Variants in PFKFB3 observed in about 807,000 individuals in gnomAD.
PFKFB3 encodes the protein 6-phosphofructo-2-kinase/fructose-2,6-biphosphatase 3, also known as 6-phosphofructo-2-kinase/fructose-2,6-bisphosphatase 3.
In PFKFB3, 33 loss-of-function variants were observed where a neutral mutation model predicts 68.0. The observed-to-expected ratio is 0.49, with a 90% CI of 0.37 to 0.65. The LOEUF (loss-of-function observed/expected upper bound fraction) is 0.65, where lower values mean the gene tolerates loss of function less well. Among genes scored for constraint, PFKFB3 ranks in the 30% least tolerant of loss-of-function variants. PFKFB3 has a pLI of 0.00. For missense variants in PFKFB3, 586 were observed against 712.2 expected, an observed-to-expected ratio of 0.82 and a Z score of 2.02; for synonymous variants, 315 against 288.2, an observed-to-expected ratio of 1.09 and a Z score of -0.94.
intron 1 of PFKFB3, among the ~76,000 whole-genome samples, chr10:6,174,634 G>C (rs928435233): frequency 1.3e-5 from 2 of 152,198 alleles, no homozygotes; most frequent in African/African-American, 4.8e-5. Context: ...GACTGGCGCA[G>C]GGTGAGAGCC....
rs1369692650 is a variant in PFKFB3, at chr10:6,205,976, T to A, written c.76+2640T>A. ...CCACACCCGGCTAATTAAAAAAAAT[T>A]TTTTTTTTTTTTTAATTGATCATTC... On this transcript the variant is annotated intron_variant, in intron 1 of 14. Transcript: ENST00000379775. Among the ~76,000 whole-genome samples, 311 of 82,978 alleles carry A rather than the reference T, an allele frequency of 3.7e-3. 1 individual carries two copies. Among genetic ancestry groups the A allele is most frequent in the African/African-American group, 7.8e-3 (185 of 23,740 alleles). 54.4% of individuals were successfully genotyped at this position (82,978 alleles called of 152,430 possible). A position where few individuals can be genotyped will look rare whatever the true frequency, so the allele number is the denominator to read the frequency against.
intron 1 of PFKFB3, 105 bp from the exon 2 acceptor site, chr10:6,213,502 GTGAGACCCTGTCTCAA>G: frequency 1.7e-6 from 2 of 1,182,764 alleles, no homozygotes; most frequent in Non-Finnish European, 2.4e-6. Context: ...GGGCAACAGA[GTGAGACCCTGTCTCAA>G]AAACATTTTT....
the PFKFB3 span, among the ~76,000 whole-genome samples, chr10:6,291,945 G>GTT: frequency 5.3e-3 from 501 of 94,384 alleles, 26 homozygotes; most frequent in East Asian, 0.013. Flanking sequence ...GAAACCAGTG[G>GTT]TTTTTTTTTT....
At chr10:6,213,167 C>T (rs1194246616) in intron 1 of PFKFB3, among the ~76,000 whole-genome samples, 1 of 152,110 alleles carries the variant, frequency 6.6e-6, no homozygotes, top group Non-Finnish European at 1.5e-5. Context: ...GGCTGGGGGG[C>T]TGTGGCCACT....
chr10:6,322,293 G>A, the PFKFB3 span, among the ~76,000 whole-genome samples: 45 of 151,970 alleles, frequency 3.0e-4, no homozygotes, highest in East Asian at 5.4e-3. Context: ...TTCGGCATTC[G>A]GCGACCTCCA....
the PFKFB3 span, among the ~76,000 whole-genome samples, chr10:6,322,199 C>T: frequency 3.9e-5 from 6 of 152,182 alleles, no homozygotes; most frequent in African/African-American, 7.2e-5. Context: ...TTCTGTAGCT[C>T]GACCTTGTCA....
Position 6,215,303 on chromosome 10 carries a change from C to G in PFKFB3, c.285C>G (p.Ala95=), listed in dbSNP as rs1272062364. 2.5e-6 allele frequency: 4 copies of G among 1,613,702 alleles called. No homozygotes were observed. The highest frequency in any genetic ancestry group is 3.4e-6 in the Non-Finnish European group (4 of 1,179,788). Reference sequence around the variant, plus strand: ...TCTTCCGCCCCGACAATGAGGAAGCCATGAAAGTCCGGAAGTAAGGCTGGG... The same window carrying G: ...TCTTCCGCCCCGACAATGAGGAAGCGATGAAAGTCCGGAAGTAAGGCTGGG... ...YNFFRPDNEE[A]MKVRKQCALA... is the part of the protein sequence containing the mutation. Residue 95 remains alanine (A), a synonymous_variant, in exon 3 of 15, where the codon GCC becomes GCG. Transcript: ENST00000379775. The surrounding 1 kb of genome is among the most constrained non-coding windows in gnomAD (Gnocchi z 4.3).
chr10:6,164,251 C>T (rs1231477492), intron 1 of PFKFB3, among the ~76,000 whole-genome samples: 2 of 151,774 alleles, frequency 1.3e-5, no homozygotes, highest in Admixed American at 6.6e-5. Flanking sequence ...GGGGACCGCT[C>T]CTAGCCCCCA....
chr10:6,275,191 C>T, the PFKFB3 span, among the ~76,000 whole-genome samples: 5 of 152,192 alleles, frequency 3.3e-5, no homozygotes, highest in East Asian at 1.9e-4. The surrounding 1 kb of genome is among the most constrained non-coding windows in gnomAD (Gnocchi z 4.9). Context: ...CAGGTGGTCA[C>T]GGCCCCGCCC....
At chr10:6,161,555 TACACACATATGTATATATATAC>T (rs1275280322) in intron 1 of PFKFB3, among the ~76,000 whole-genome samples, 169 of 151,916 alleles carry the variant, frequency 1.1e-3, no homozygotes, top group Non-Finnish European at 2.0e-3. Context: ...TGTATATATA[TACACACATATGTATATATATAC>T]ACACACACAT....
chr10:6,159,126 G>A (rs2131705396), intron 1 of PFKFB3, among the ~76,000 whole-genome samples: 1 of 152,224 alleles, frequency 6.6e-6, no homozygotes, highest in Middle Eastern at 3.4e-3. Flanking sequence ...CAGGCGCTGT[G>A]GCTCTCACTT....
rs77877233 is a variant in PFKFB3, at chr10:6,154,220, G to T, written c.16+9207G>T. On this transcript the variant is annotated intron_variant, in intron 1 of 14. Transcript: ENST00000379789. The surrounding 1 kb of genome is among the most constrained non-coding windows in gnomAD (Gnocchi z 4.6). ...AGCTGGAGACAGGAAGGCCTGGGAGGGTTTTGGTGGAGGTGTGGGCTGAAT... is the reference window on the plus strand; with the variant it reads ...AGCTGGAGACAGGAAGGCCTGGGAGTGTTTTGGTGGAGGTGTGGGCTGAAT... 0.033 allele frequency among the ~76,000 whole-genome samples: 5,057 copies of T among 151,904 alleles called. 158 individuals are homozygous for T. The highest frequency in any genetic ancestry group is 0.1 in the Admixed American group (1,533 of 15,256).
the PFKFB3 span, among the ~76,000 whole-genome samples, chr10:6,288,523 G>T: frequency 6.6e-6 from 1 of 151,894 alleles, no homozygotes. Flanking sequence ...TCCCTACAAA[G>T]GACATGGACT....
rs377233272 is a variant in PFKFB3 at position 6,208,692 on chromosome 10, CCTGT to C, written c.77-4922_77-4919del. On this transcript the variant is annotated intron_variant, in intron 1 of 14. Coordinates refer to ENST00000379775, the MANE Select transcript of PFKFB3 (RefSeq NM_004566.4). ...GGGATACAGGCTGTGCGGGCTGCTG[CCTGT>C]CTGTCTGTGCATTGCACACCATCAG... 1.6e-4 allele frequency among the ~76,000 whole-genome samples: 25 copies of C among 152,158 alleles called. No individual in the cohort carries two copies. In the South Asian group the frequency reaches 3.9e-3, roughly 24 times the overall value.
intron 1 of PFKFB3, among the ~76,000 whole-genome samples, chr10:6,177,413 T>TC (rs1564599727): frequency 6.7e-5 from 6 of 89,408 alleles, no homozygotes; most frequent in African/African-American, 6.8e-5. Context: ...TCTTTCTTCT[T>TC]TCTCTTTCTT....
At chr10:6,321,254 C>T in the PFKFB3 span, among the ~76,000 whole-genome samples, 8 of 152,254 alleles carry the variant, frequency 5.3e-5, no homozygotes, top group Non-Finnish European at 1.2e-4. Flanking sequence ...AAACCCCATG[C>T]TCCTTTGAAA....
At chr10:6,171,714 A>G (rs75903612) in intron 1 of PFKFB3, among the ~76,000 whole-genome samples, 1,654 of 152,344 alleles carry the variant, frequency 0.011, 70 homozygotes, top group East Asian at 0.1. Context: ...TTTTTATATG[A>G]AATTTCTATC....
intron 14 of PFKFB3, among the ~76,000 whole-genome samples, chr10:6,249,604 G>A (rs1846331937): frequency 6.6e-6 from 1 of 152,172 alleles, no homozygotes; most frequent in African/African-American, 2.4e-5. Flanking sequence ...GAAAAATACT[G>A]CATGTCCTCA....
At chr10:6,162,237 A>C (rs1841992882) in intron 1 of PFKFB3, among the ~76,000 whole-genome samples, 1 of 152,180 alleles carries the variant, frequency 6.6e-6, no homozygotes, top group African/African-American at 2.4e-5. Flanking sequence ...TTGGAGGCGG[A>C]GTAATGTTCT....
Sources: gnomAD v4.1 joint callset for allele counts (sites outside exome capture counted in the v4.1 genomes callset) on GRCh38, gnomAD v4.1.1 for gene constraint, Gnocchi (gnomAD v3.1) non-coding constraint, MANE v1.5 for transcripts, NCBI Gene and HGNC (gene_info 2026-07-23, HGNC 2026-07-21) for gene names.